Variants in VPS8 observed in about 807,000 individuals in gnomAD.
The protein encoded by VPS8 is vacuolar protein sorting-associated protein 8 homolog.
A neutral mutation model predicts 216.4 loss-of-function variants in VPS8; 129 were observed. That is an observed-to-expected ratio of 0.60 (90% CI 0.52 to 0.69). The LOEUF (loss-of-function observed/expected upper bound fraction) is 0.69, where lower values mean the gene tolerates loss of function less well. Ranked by LOEUF, VPS8 falls within the 30% of genes least tolerant of loss-of-function variation. The probability of loss-of-function intolerance (pLI) is 0.00; values close to 1 mark genes in which losing one functional copy is unlikely to be tolerated. For missense variants in VPS8, 1,531 were observed against 1,683.5 expected (o/e 0.91, Z 1.59); for synonymous variants, 571 against 565.4 (o/e 1.01, Z -0.14).
chr3:184,864,076 G>A (rs1434932101), intron 16 of VPS8, among the ~76,000 whole-genome samples: 2 of 150,308 alleles, frequency 1.3e-5, no homozygotes, highest in Admixed American at 1.3e-4. Context: ...CCAAGAGGGA[G>A]TTATGGGGAA....
intron 45 of VPS8, among the ~76,000 whole-genome samples, chr3:185,012,426 G>T (rs1320847899): frequency 3.3e-5 from 5 of 149,564 alleles, no homozygotes; most frequent in Non-Finnish European, 7.4e-5. Flanking sequence ...TGGAACATAA[G>T]GAGCAAGAGA....
intron 46 of VPS8, among the ~76,000 whole-genome samples, chr3:185,041,530 C>T (rs974294775): frequency 3.9e-5 from 6 of 152,068 alleles, no homozygotes; most frequent in African/African-American, 9.7e-5. Flanking sequence ...GATTATTGAT[C>T]GAGTTACAAA....
intron 3 of VPS8, among the ~76,000 whole-genome samples, chr3:184,829,621 G>C (rs1021956953): frequency 1.3e-5 from 2 of 152,020 alleles, no homozygotes; most frequent in Non-Finnish European, 1.5e-5. Context: ...TGAAAGTGGT[G>C]GTATTGATAT....
chr3:184,835,931 G>C lies in VPS8; in HGVS notation c.447+1189G>C, dbSNP rs193083104. On this transcript the variant is annotated intron_variant, in intron 5 of 47. Coordinates refer to ENST00000625842, the MANE Select transcript of VPS8 (RefSeq NM_001009921.3). ...TCAACGTGTTAGCCAGGATGGTCTC[G>C]ATCTCCTGACCTTGTGATCCGCCCG... Among the ~76,000 whole-genome samples the C allele has an allele frequency of 2.2e-3, 340 of 151,990 alleles. 1 individual carries two copies. Among genetic ancestry groups the C allele is most frequent in the African/African-American group, 7.8e-3 (325 of 41,440 alleles).
At chr3:184,870,192 A>G (rs1405928211) in intron 20 of VPS8, among the ~76,000 whole-genome samples, 1 of 152,212 alleles carries the variant, frequency 6.6e-6, no homozygotes, top group Non-Finnish European at 1.5e-5. Context: ...TTTTAATGTT[A>G]TTATTAATTA....
chr3:184,925,647 A>T (rs1368770568), intron 30 of VPS8, among the ~76,000 whole-genome samples: 2 of 152,180 alleles, frequency 1.3e-5, no homozygotes, highest in African/African-American at 2.4e-5. Context: ...TAGAGTTAGT[A>T]TCCAAATTCA....
chr3:185,021,770 C>T (rs963414793), intron 45 of VPS8, among the ~76,000 whole-genome samples: 4 of 152,132 alleles, frequency 2.6e-5, no homozygotes, highest in East Asian at 1.9e-4. Context: ...AAACCTGCAA[C>T]GTGGTCCTAC....
chr3:185,040,843 A>C (rs1475547904), intron 46 of VPS8, among the ~76,000 whole-genome samples: 8 of 152,160 alleles, frequency 5.3e-5, no homozygotes, highest in African/African-American at 1.9e-4. Context: ...CTTGGGAATC[A>C]TTTTTTTCCT....
At chr3:184,923,610 C>T (rs948678900) in intron 29 of VPS8, among the ~76,000 whole-genome samples, 2 of 152,146 alleles carry the variant, frequency 1.3e-5, no homozygotes, top group East Asian at 3.9e-4. Flanking sequence ...TTAGTAGCTC[C>T]CCAGTTTTCT....
intron 46 of VPS8, among the ~76,000 whole-genome samples, chr3:185,027,235 C>CTTTTTTTTTTTTTT (rs893256183): frequency 1.1e-5 from 1 of 87,726 alleles, no homozygotes; most frequent in African/African-American, 4.7e-5. Flanking sequence ...TTTTTATGTT[C>CTTTTTTTTTTTTTT]TTTTTTTTTT....
intron 1 of VPS8, among the ~76,000 whole-genome samples, chr3:184,823,139 G>T (rs1717971495): frequency 6.6e-6 from 1 of 152,168 alleles, no homozygotes; most frequent in Non-Finnish European, 1.5e-5. Context: ...CTAAAATAAT[G>T]AGCTTCATTA....
chr3:184,910,827 C>T (rs926983713), intron 25 of VPS8, among the ~76,000 whole-genome samples: 2 of 152,178 alleles, frequency 1.3e-5, no homozygotes, highest in African/African-American at 4.8e-5. Context: ...GTCTCTCCTC[C>T]CCCAAATGAG....
intron 1 of VPS8, among the ~76,000 whole-genome samples, chr3:184,817,602 A>C (rs1438718199): frequency 6.6e-6 from 1 of 152,232 alleles, no homozygotes; most frequent in Non-Finnish European, 1.5e-5. Flanking sequence ...ACTACATATA[A>C]GTAGTATTCA....
chr3:184,894,598 A>G (rs560268003), intron 22 of VPS8, 105 bp from the exon 23 acceptor site: 3 of 865,938 alleles, frequency 3.5e-6, no homozygotes, highest in East Asian at 2.7e-5. Context: ...AAATAAACTC[A>G]TGAGTAAGTT....
At chr3:184,965,794 A>G (rs1269047324) in intron 38 of VPS8, among the ~76,000 whole-genome samples, 4 of 152,196 alleles carry the variant, frequency 2.6e-5, no homozygotes, top group Admixed American at 2.0e-4. Context: ...GGCCATTGCA[A>G]TGGTACAGGT....
At chr3:185,028,483 C>T (rs1219735688) in intron 46 of VPS8, among the ~76,000 whole-genome samples, 1 of 152,152 alleles carries the variant, frequency 6.6e-6, no homozygotes, top group Non-Finnish European at 1.5e-5. Flanking sequence ...CAAAGAGCCC[C>T]AGTCTGTGAA....
intron 39 of VPS8, among the ~76,000 whole-genome samples, chr3:184,971,025 T>C (rs544057187): frequency 6.6e-6 from 1 of 152,334 alleles, no homozygotes; most frequent in East Asian, 1.9e-4. Flanking sequence ...TAACTTGGTT[T>C]GTAAATGGAG....
At chr3:184,895,638 C>CCCCT (rs1560569668) in intron 23 of VPS8, among the ~76,000 whole-genome samples, 9 of 414 alleles carry the variant, frequency 0.022, 4 homozygotes, top group Non-Finnish European at 0.058. Context: ...CCCCCCCCCC[C>CCCCT]CACTCTCTTT....
intron 34 of VPS8, among the ~76,000 whole-genome samples, chr3:184,936,019 G>A (rs1173077901): frequency 6.6e-6 from 1 of 152,046 alleles, no homozygotes; most frequent in African/African-American, 2.4e-5. Context: ...TAAGAATTCT[G>A]AATTACCTTT....
Sources: allele counts gnomAD v4.1 joint callset (sites outside exome capture counted in the v4.1 genomes callset), GRCh38; gene constraint gnomAD v4.1.1; transcripts MANE v1.5; gene names NCBI Gene and HGNC (gene_info 2026-07-23, HGNC 2026-07-21).